Variants in FBF1 observed in about 807,000 individuals in gnomAD.
FBF1 encodes the protein fas-binding factor 1.
A neutral mutation model predicts 147.2 loss-of-function variants in FBF1; 119 were observed. The ratio of observed to expected loss-of-function variants is 0.81; its 90% CI spans 0.70 to 0.94. FBF1 has a LOEUF of 0.94. Ranked by LOEUF, FBF1 falls within the 40% of genes least tolerant of loss-of-function variation. FBF1 has a pLI of 0.00. For synonymous variants in FBF1, 601 were observed against 609.0 expected (o/e 0.99, Z 0.19); for missense variants, 1,449 against 1,500.8 (o/e 0.97, Z 0.57).
At chr17:75,926,533 CT>C in intron 10 of FBF1, 107 bp from the exon 11 acceptor site, 2 of 1,432,664 alleles carry the variant, frequency 1.4e-6, no homozygotes, top group Non-Finnish European at 1.8e-6. Context: ...GGACGACAGG[CT>C]TTAGACCTGC....
At position 75,928,605 on chromosome 17, in the gene FBF1, C is replaced by T. The variant is rs1304330066; in HGVS notation, c.280-412G>A. On this transcript the variant is annotated intron_variant, in intron 7 of 29. Transcript: ENST00000636174. The surrounding 1 kb of genome is among the most constrained non-coding windows in gnomAD (Gnocchi z 4.2). ...CAGGTGGATCACCAGGTCAAGAAAT[C>T]GAGACCATCCTGGCCAACATGATGA... 9.2e-5 allele frequency among the ~76,000 whole-genome samples: 14 copies of T among 151,890 alleles called. No individual in the cohort carries two copies. The highest frequency in any genetic ancestry group is 1.9e-4 in the Non-Finnish European group (13 of 67,988).
At chr17:75,938,088 G>A (rs1311101148) in intron 2 of FBF1, 59 bp downstream of exon 2, 1 of 1,606,692 alleles carries the variant, frequency 6.2e-7, no homozygotes, top group Non-Finnish European at 8.5e-7. Flanking sequence ...AAGATCTTTG[G>A]GGATGCAGGA....
In FBF1 at chr17:75,925,103, G is replaced by A. The variant is rs559604480; in HGVS notation, c.968+244C>T. On this transcript the variant is annotated intron_variant, in intron 13 of 29. Coordinates refer to ENST00000636174, the MANE Select transcript of FBF1 (RefSeq NM_001319193.2). This position sits in a 1 kb window ranked among gnomAD's most constrained non-coding sequence, Gnocchi z 5.0. ...CCCCTTTCCTTCTGAGGCTGGGTGG[G>A]GCACTGGCGAACCTGAGCAGCGTCT... 1.3e-5 allele frequency among the ~76,000 whole-genome samples: 2 copies of A among 152,324 alleles called. No homozygotes were observed. The highest frequency in any genetic ancestry group is 4.8e-5 in the African/African-American group (2 of 41,568).
Position 75,931,248 on chromosome 17 carries a change from A to T in FBF1, c.209T>A (p.Leu70Gln). The T allele has an allele frequency of 6.3e-7, 1 of 1,580,334 alleles. No individual in the cohort carries two copies. The highest frequency in any genetic ancestry group is 2.3e-5 in the East Asian group (1 of 43,092). The change falls in exon 6 of 30, where the codon CTG becomes CAG. Residue 70 changes from leucine to glutamine, a missense_variant. Transcript: ENST00000636174. ...GCTCACCTCAGCATCAGCTTCTTCCAGGCCTGCCATGGTGCTGAAGACATC... is the reference window on the plus strand; with the variant it reads ...GCTCACCTCAGCATCAGCTTCTTCCTGGCCTGCCATGGTGCTGAAGACATC... ...GDDVFSTMAGLEEADAEVSGI... is the reference protein window; with the variant it reads ...GDDVFSTMAGQEEADAEVSGI...
rs745544438 is a variant in FBF1 at position 75,920,324 on chromosome 17, G to A, written c.1780C>T (p.Gln594Ter). The A allele has an allele frequency of 2.4e-5, 38 of 1,610,842 alleles. No individual in the cohort carries two copies. The highest frequency in any genetic ancestry group is 2.9e-5 in the Non-Finnish European group (34 of 1,179,190). ...VQLQCSPAELQAELLHSQARL... is the reference protein window; with the variant it reads ...VQLQCSPAEL ...GCCTGGCTATGCAGCAGCTCGGCCTGGAGCTCAGCGGGGCTGCACTGAAGT... is the reference window on the plus strand; with the variant it reads ...GCCTGGCTATGCAGCAGCTCGGCCTAGAGCTCAGCGGGGCTGCACTGAAGT... The change falls in exon 18 of 30, where the codon CAG becomes TAG. Residue 594 changes from glutamine (Q) to a stop codon, truncating the protein, a stop_gained. Transcript: ENST00000636174. LOFTEE classifies it high-confidence loss of function.
intron 4 of FBF1, among the ~76,000 whole-genome samples, chr17:75,935,027 G>A (rs1190514603): frequency 6.6e-6 from 1 of 152,170 alleles, no homozygotes. Context: ...CTACTAATGG[G>A]CATGGGGTTT....
At chr17:75,921,194 G>A (rs2065523819) in intron 17 of FBF1, 50 bp downstream of exon 17, 1 of 1,540,266 alleles carries the variant, frequency 6.5e-7, no homozygotes, top group Admixed American at 2.0e-5. Flanking sequence ...CCTGGGCATG[G>A]AGAATTGCTC....
At chr17:75,929,964 C>CCCCCCCTCAA in intron 7 of FBF1, 33 bp downstream of exon 7, 2 of 1,402,202 alleles carry the variant, frequency 1.4e-6, no homozygotes, top group South Asian at 1.2e-5. Flanking sequence ...CACCCACCCC[C>CCCCCCCTCAA]AGTTCTAAGA....
rs905068295 is a variant in FBF1 at position 75,914,139 on chromosome 17, C to G, written c.2974G>C (p.Val992Leu). 2 of 1,601,854 alleles carry G rather than the reference C, an allele frequency of 1.2e-6. No individual in the cohort carries two copies. The highest frequency in any genetic ancestry group is 1.7e-5 in the Admixed American group (1 of 58,942). Residue 992 changes from valine to leucine, a missense_variant, in exon 26 of 30, where the codon GTG (valine) becomes CTG (leucine). Physicochemically the swap from Val to Leu is conservative, Grantham distance 32. Transcript: ENST00000636174. The part of the protein sequence containing the change: ...ALRVKLRAEE[V>L]ESMSKVASEK... ...AGCAGCACCTTGCTCATGCTCTCCA[C>G]CTCCTCGGCGCGGAGCTTGACACGC...
intron 3 of FBF1, 123 bp from the exon 4 acceptor site, chr17:75,935,796 CTCCTT>C (rs1354492282): frequency 5.3e-5 from 45 of 850,796 alleles, no homozygotes; most frequent in Non-Finnish European, 6.9e-5. Flanking sequence ...AGGCTTAGCT[CTCCTT>C]TCATTGGCCA....
chr17:75,910,720 CACT>C lies in FBF1; in HGVS notation c.3447_*2del. The C allele has an allele frequency of 6.2e-7, 1 of 1,605,742 alleles. No individual in the cohort carries two copies. Among genetic ancestry groups the C allele is most frequent in the South Asian group, 1.1e-5 (1 of 89,458 alleles). ...TCTGTTGGGGAATCGGCTGGGGTCC[CACT>C]CAGGCTGAATGAGATGTCAAATTGT... is the stretch of plus-strand genomic sequence containing the variant. On this transcript the variant is annotated stop_lost and 3_prime_UTR_variant, in exon 30 of 30. Transcript: ENST00000636174. This position sits in a 1 kb window ranked among gnomAD's most constrained non-coding sequence, Gnocchi z 4.1.
At position 75,918,881 on chromosome 17, in the gene FBF1, A is replaced by G. The variant is rs896891234; in HGVS notation, c.2139-612T>C. Among the ~76,000 whole-genome samples the G allele has an allele frequency of 1.1e-4, 17 of 150,894 alleles. No individual in the cohort carries two copies. Among genetic ancestry groups the G allele is most frequent in the Non-Finnish European group, 1.9e-4 (13 of 67,776 alleles). On this transcript the variant is annotated intron_variant, in intron 20 of 29. Coordinates refer to ENST00000636174, the MANE Select transcript of FBF1 (RefSeq NM_001319193.2). This position sits in a 1 kb window ranked among gnomAD's most constrained non-coding sequence, Gnocchi z 5.8. ...TGGTCTTGAACTCCTAGCCTCAAGC[A>G]ATCCTCCTGCCTTGGCCTCCCAAGT...
intron 6 of FBF1, 57 bp from the exon 7 acceptor site, chr17:75,930,104 A>C: frequency 7.1e-7 from 1 of 1,398,862 alleles, no homozygotes; most frequent in South Asian, 1.2e-5. Context: ...TCAAGGCCCA[A>C]TAAAACTCAG....
intron 4 of FBF1, among the ~76,000 whole-genome samples, chr17:75,934,919 C>T (rs2065615152): frequency 6.6e-6 from 1 of 151,380 alleles, no homozygotes; most frequent in African/African-American, 2.4e-5. Context: ...TGTGTGATTC[C>T]ATTTTATGTA....
At chr17:75,924,901 G>A (rs898060523) in intron 13 of FBF1, among the ~76,000 whole-genome samples, 2 of 151,916 alleles carry the variant, frequency 1.3e-5, no homozygotes, top group African/African-American at 4.8e-5. Context: ...AGAGGATCAC[G>A]CTGTCAGAAT....
rs1489723391 is a variant in FBF1, at chr17:75,914,655, C to A, written c.2814+92G>T. 4.5e-6 allele frequency: 6 copies of A among 1,327,754 alleles called. No individual in the cohort carries two copies. The South Asian group carries it at 9.1e-5, about 20-fold the overall frequency. The allele number at this position is 1,327,754 out of a possible 1,614,324, so 82.2% of individuals were successfully genotyped here. On this transcript the variant is annotated intron_variant, in intron 25 of 29. Coordinates refer to ENST00000636174, the MANE Select transcript of FBF1 (RefSeq NM_001319193.2). ...ATGCTCTTGTGACATTAGTGCTACACTCTCCTTTCCTAAGACTGGAAGCGG... is the reference window on the plus strand; with the variant it reads ...ATGCTCTTGTGACATTAGTGCTACAATCTCCTTTCCTAAGACTGGAAGCGG...
chr17:75,912,085 G>C, intron 29 of FBF1, 107 bp downstream of exon 29: 4 of 1,083,016 alleles, frequency 3.7e-6, no homozygotes, highest in Non-Finnish European at 5.5e-6. Flanking sequence ...TACTCCCCAG[G>C]AGCTGGGGTC....
Position 75,926,131 on chromosome 17 carries a change from T to C in FBF1, c.767A>G (p.Asp256Gly). The stretch of plus-strand genomic sequence containing the variant: ...GGCCATGCCTCGACCCAGCAGCTCA[T>C]CCAGCGTGGAGCGAGCAGGGCGAGG... The part of the protein sequence containing the change: ...EGPRPARSTL[D>G]ELLGRGMATK... Residue 256 changes from aspartate to glycine, a missense_variant, in exon 12 of 30, where the codon GAT becomes GGT. Coordinates refer to ENST00000636174, the MANE Select transcript of FBF1 (RefSeq NM_001319193.2). 6.2e-7 allele frequency: 1 copy of C among 1,610,750 alleles called. No homozygotes were observed. Among genetic ancestry groups the C allele is most frequent in the Non-Finnish European group, 8.5e-7 (1 of 1,179,030 alleles).
At position 75,923,159 on chromosome 17, in the gene FBF1, A is replaced by T. The variant is rs928784079; in HGVS notation, c.1424+27T>A. On this transcript the variant is annotated intron_variant, in intron 14 of 29. Transcript: ENST00000636174. The surrounding 1 kb of genome is among the most constrained non-coding windows in gnomAD (Gnocchi z 4.1). ...CAAGTCCCCAGCCAGTCCTCCCCCT[A>T]CTAGCCACAGCAGCCTAAGTCAGTA... 3.3e-6 allele frequency: 5 copies of T among 1,531,152 alleles called. No homozygotes were observed. The highest frequency in any genetic ancestry group is 2.0e-5 in the Admixed American group (1 of 49,840). 94.8% of individuals were successfully genotyped at this position (1,531,152 alleles called of 1,614,324 possible). A position where few individuals can be genotyped will look rare whatever the true frequency, so the allele number is the denominator to read the frequency against.
Sources: allele counts gnomAD v4.1 joint callset (sites outside exome capture counted in the v4.1 genomes callset), GRCh38; gene constraint gnomAD v4.1.1; non-coding constraint Gnocchi (gnomAD v3.1); transcripts MANE v1.5; gene names NCBI Gene and HGNC (gene_info 2026-07-23, HGNC 2026-07-21).